Variants in MAGED1 observed in about 807,000 individuals in gnomAD.
MAGED1 encodes the protein melanoma-associated antigen D1.
Under a neutral mutation model 54.1 loss-of-function variants are expected in MAGED1, and 3 were observed. The observed-to-expected ratio is 0.06, with a 90% CI of 0.03 to 0.14. The LOEUF (loss-of-function observed/expected upper bound fraction) is 0.14, where lower values mean the gene tolerates loss of function less well. MAGED1 is among the 10% of genes least tolerant of loss of function. The pLI is 1.00. For missense variants in MAGED1, 485 were observed against 623.4 expected, an observed-to-expected ratio of 0.78 and a Z score of 2.36; for synonymous variants, 217 against 227.3, an observed-to-expected ratio of 0.95 and a Z score of 0.41.
intron 1 of MAGED1, among the ~76,000 whole-genome samples, chrX:51,828,887 A>G (rs1229712541): frequency 9.0e-6 from 1 of 111,199 alleles, no homozygotes; most frequent in African/African-American, 3.3e-5. Flanking sequence ...CTTAAGAGCT[A>G]TTCCACATTA....
rs782272903 is a variant in MAGED1, at chrX:51,896,943, C to T, written c.1288C>T (p.Pro430Ser). The change falls in exon 4 of 13, where the codon CCC becomes TCC. Residue 430 changes from proline to serine, a missense_variant. Pro to Ser is a moderately conservative substitution (Grantham distance 74). Transcript: ENST00000326587. ...TDWPLPPDWIPADWPIPPDWQ... is the reference protein window; with the variant it reads ...TDWPLPPDWISADWPIPPDWQ... ...CTGGCCACTACCACCTGACTGGATC[C>T]CCGCTGATTGGCCAATTCCACCTGA... 4 of 1,209,944 alleles carry T rather than the reference C, an allele frequency of 3.3e-6. No individual in the cohort carries two copies. In the Admixed American group the frequency reaches 8.7e-5, roughly 26 times the overall value.
chrX:51,859,496 T>C (rs1386562131), intron 1 of MAGED1, among the ~76,000 whole-genome samples: 1 of 112,087 alleles, frequency 8.9e-6, no homozygotes, highest in Non-Finnish European at 1.9e-5. Flanking sequence ...ATGGTCATAA[T>C]GTGAATGGTA....
intron 1 of MAGED1, among the ~76,000 whole-genome samples, chrX:51,874,108 A>G (rs1242211540): frequency 1.8e-5 from 2 of 111,667 alleles, no homozygotes; most frequent in Non-Finnish European, 3.8e-5. Context: ...GATGAAAATC[A>G]CGATGGTGCT....
rs782663228 is a variant in MAGED1, at chrX:51,870,665, C to A, written c.-36-23604C>A. 8 of 112,101 alleles carry A rather than the reference C, an allele frequency of 7.1e-5. No homozygotes were observed. In the East Asian group the frequency reaches 2.0e-3, roughly 28 times the overall value. 9.2% of individuals were successfully genotyped at this position (112,101 alleles called of 1,213,427 possible). A position where few individuals can be genotyped will look rare whatever the true frequency, so the allele number is the denominator to read the frequency against. ...CATTGGATTGCCTTCAAAGTGATATCTTTTCCAGTTAACTGTTAACTCACT... is the reference window on the plus strand; with the variant it reads ...CATTGGATTGCCTTCAAAGTGATATATTTTCCAGTTAACTGTTAACTCACT... On this transcript the variant is annotated intron_variant, in intron 1 of 12. Coordinates refer to the MAGED1 transcript ENST00000375772.
rs781864704 is a variant in MAGED1 at position 51,864,171 on chromosome X, TGA to T, written c.-36-30080_-36-30079del. On this transcript the variant is annotated intron_variant, in intron 1 of 12. Transcript: ENST00000375772. The stretch of plus-strand genomic sequence containing the variant: ...AATTTCCAATTTGAGTTGAGGGGTG[TGA>T]GAGAGAGAGAGAGAGAGTGTGTGTG... Among the ~76,000 whole-genome samples the T allele has an allele frequency of 1.1e-3, 110 of 100,018 alleles. No individual in the cohort carries two copies. The South Asian group carries it at 0.033, about 30-fold the overall frequency. The allele number at this position is 100,018 out of a possible 115,157, so 86.9% of individuals were successfully genotyped here.
intron 1 of MAGED1, among the ~76,000 whole-genome samples, chrX:51,869,259 T>G (rs781889453): frequency 1.2e-4 from 13 of 111,227 alleles, no homozygotes; most frequent in African/African-American, 2.0e-4. Context: ...TGTATGATAA[T>G]GGGGATTGAT....
At chrX:51,900,159 C>CA in intron 10 of MAGED1, 23 bp from the exon 11 acceptor site, 3 of 1,047,388 alleles carry the variant, frequency 2.9e-6, no homozygotes, top group Non-Finnish European at 4.0e-6. Context: ...TAGGTAGACA[C>CA]AAAGACTGTT....
intron 1 of MAGED1, among the ~76,000 whole-genome samples, chrX:51,846,148 C>T (rs1209874025): frequency 8.9e-6 from 1 of 111,795 alleles, no homozygotes; most frequent in African/African-American, 3.3e-5. Context: ...TGTCCACATT[C>T]TAATCCCTGA....
At chrX:51,851,202 A>G (rs782604633) in intron 1 of MAGED1, among the ~76,000 whole-genome samples, 2 of 111,950 alleles carry the variant, frequency 1.8e-5, no homozygotes, top group East Asian at 2.8e-4. Context: ...GTTGAAATAG[A>G]AATCATGACA....
chrX:51,838,713 G>A (rs781946556), intron 1 of MAGED1, among the ~76,000 whole-genome samples: 3 of 111,677 alleles, frequency 2.7e-5, no homozygotes, highest in Admixed American at 1.9e-4. Flanking sequence ...TAAAAATCAT[G>A]TCTTTATGAA....
At chrX:51,830,555 GA>G (rs1207391016) in intron 1 of MAGED1, among the ~76,000 whole-genome samples, 232 of 98,993 alleles carry the variant, frequency 2.3e-3, no homozygotes, top group Middle Eastern at 5.0e-3. Context: ...GAGGAAAGAG[GA>G]AAAAAAAAAA....
chrX:51,894,372 C>T (rs375833949), intron 2 of MAGED1, 23 bp downstream of exon 2: 9 of 1,181,266 alleles, frequency 7.6e-6, no homozygotes, highest in Non-Finnish European at 1.0e-5. Context: ...CTCCCCACCC[C>T]ACCATTTCCC....
At position 51,896,616 on chromosome X, in the gene MAGED1, C is replaced by G; in HGVS notation, c.961C>G (p.Gln321Glu). ...AGCCAGGCAGACCCCACCAGCACGT[C>G]AGAGCCCTCCAGCTAGGCAGACCCC... ...QTARQTPPAR[Q>E]SPPARQTPPA... is the part of the protein sequence containing the mutation. The change falls in exon 4 of 13, where the codon CAG becomes GAG. Residue 321 changes from glutamine to glutamate, a missense_variant. Gln to Glu is a conservative substitution (Grantham distance 29, BLOSUM62 2). Coordinates refer to ENST00000326587, the MANE Select transcript of MAGED1 (RefSeq NM_006986.4). 1 of 1,212,034 alleles carries G rather than the reference C, an allele frequency of 8.3e-7. No individual in the cohort carries two copies.
chrX:51,853,737 A>G (rs140980678), intron 1 of MAGED1, among the ~76,000 whole-genome samples: 1,327 of 112,102 alleles, frequency 0.012, 23 homozygotes, highest in African/African-American at 0.04. Context: ...TTTCATCAAG[A>G]TTTTTAAAAT....
At chrX:51,833,330 C>T in intron 1 of MAGED1, among the ~76,000 whole-genome samples, 1 of 109,681 alleles carries the variant, frequency 9.1e-6, no homozygotes, top group Non-Finnish European at 1.9e-5. Context: ...GTCTCTCCCA[C>T]CCCACACACA....
chrX:51,830,198 A>G (rs1392070851), intron 1 of MAGED1, among the ~76,000 whole-genome samples: 2 of 111,843 alleles, frequency 1.8e-5, no homozygotes. Flanking sequence ...GAACAATCAC[A>G]TAATATACCA....
At chrX:51,863,069 T>G (rs781793130) in intron 1 of MAGED1, among the ~76,000 whole-genome samples, 8 of 111,810 alleles carry the variant, frequency 7.2e-5, no homozygotes, top group African/African-American at 2.6e-4. Context: ...TCTCCAGAAC[T>G]TACTCATCTT....
Position 51,837,972 on chromosome X carries a change from A to G in MAGED1, c.-37+34855A>G, listed in dbSNP as rs375930602. On this transcript the variant is annotated intron_variant, in intron 1 of 12. Transcript: ENST00000375772. ...AATTATTTATGCCAGCCAAGTAACC[A>G]CTATCAACAAAAGTTACAAACAGTA... Among the ~76,000 whole-genome samples the G allele has an allele frequency of 2.4e-4, 27 of 112,818 alleles. No homozygotes were observed. The South Asian group carries it at 9.2e-3, about 38-fold the overall frequency.
At chrX:51,878,620 A>T (rs782278287) in intron 1 of MAGED1, among the ~76,000 whole-genome samples, 7 of 111,876 alleles carry the variant, frequency 6.3e-5, no homozygotes, top group Non-Finnish European at 1.1e-4. Context: ...AAATTGTGGA[A>T]ATCTGACTGG....
Sources: gnomAD v4.1 joint callset for allele counts (sites outside exome capture counted in the v4.1 genomes callset) on GRCh38, gnomAD v4.1.1 for gene constraint, MANE v1.5 for transcripts, NCBI Gene and HGNC (gene_info 2026-07-23, HGNC 2026-07-21) for gene names.